MGAT4C: variants seen among roughly 807,000 people sequenced by gnomAD.
MGAT4C encodes MGAT4 family member C.
In MGAT4C, 19 loss-of-function variants were observed where a neutral mutation model predicts 40.1. The ratio of observed to expected loss-of-function variants is 0.47; its 90% CI spans 0.33 to 0.70. The LOEUF (loss-of-function observed/expected upper bound fraction) is 0.70. Among genes scored for constraint, MGAT4C ranks in the 30% least tolerant of loss-of-function variants. The pLI, the probability that MGAT4C is intolerant of heterozygous loss-of-function variation, is 0.02. For missense variants in MGAT4C, 491 were observed against 563.2 expected (o/e 0.87, Z 1.30); for synonymous variants, 181 against 187.1 (o/e 0.97, Z 0.27).
intron 2 of MGAT4C, among the ~76,000 whole-genome samples, chr12:86,464,364 T>G (rs1287109134): frequency 6.6e-6 from 1 of 152,154 alleles, no homozygotes; most frequent in Non-Finnish European, 1.5e-5. Context: ...GCAGTGGGAA[T>G]AGAGAAAATT....
chr12:86,408,448 A>ACTCTCTCT (rs1174416641), intron 3 of MGAT4C, among the ~76,000 whole-genome samples: 456 of 29,172 alleles, frequency 0.016, 17 homozygotes, highest in South Asian at 0.018. Flanking sequence ...TACATAGTAA[A>ACTCTCTCT]CTCTCTCTCT....
intron 3 of MGAT4C, among the ~76,000 whole-genome samples, chr12:86,343,548 A>C (rs1004503075): frequency 6.6e-6 from 1 of 152,214 alleles, no homozygotes; most frequent in Admixed American, 6.5e-5. Flanking sequence ...AAAATTCTAA[A>C]CAAGGGAAGC....
intron 1 of MGAT4C, among the ~76,000 whole-genome samples, chr12:86,786,564 C>G (rs1231703878): frequency 3.9e-5 from 6 of 151,936 alleles, no homozygotes; most frequent in Non-Finnish European, 7.4e-5. Flanking sequence ...GCTTTTAACT[C>G]CAAACTTCTG....
intron 2 of MGAT4C, among the ~76,000 whole-genome samples, chr12:86,004,147 A>T (rs1201885007): frequency 1.3e-5 from 2 of 152,214 alleles, no homozygotes; most frequent in African/African-American, 2.4e-5. Flanking sequence ...GTAAAGAGAA[A>T]TACTAAAAAT....
chr12:86,653,934 C>T (rs1963769583), intron 2 of MGAT4C, among the ~76,000 whole-genome samples: 1 of 151,692 alleles, frequency 6.6e-6, no homozygotes, highest in African/African-American at 2.4e-5. Flanking sequence ...AGAAATATTG[C>T]AAGTGCTAAT....
At chr12:86,086,911 G>A (rs1871954988) in intron 1 of MGAT4C, among the ~76,000 whole-genome samples, 1 of 151,996 alleles carries the variant, frequency 6.6e-6, no homozygotes, top group African/African-American at 2.4e-5. Flanking sequence ...ATATGAGTGA[G>A]AACATGAGAT....
chr12:86,422,522 G>A (rs1295991464), intron 3 of MGAT4C, among the ~76,000 whole-genome samples: 2 of 152,088 alleles, frequency 1.3e-5, no homozygotes, highest in Admixed American at 1.3e-4. Flanking sequence ...CAAAATCTCT[G>A]GTTGTAAGAA....
rs1593042701 is a variant in MGAT4C, at chr12:86,137,724, T to C, written c.-56-88001A>G. ...TCCGATTACTTTTATCATATCTGCATACCTATACTCCCCTCCTATGAAACT... is the reference window on the plus strand; with the variant it reads ...TCCGATTACTTTTATCATATCTGCACACCTATACTCCCCTCCTATGAAACT... On this transcript the variant is annotated intron_variant, in intron 1 of 4. Coordinates refer to ENST00000611864, the MANE Select transcript of MGAT4C (RefSeq NM_001351288.2). Among the ~76,000 whole-genome samples the C allele has an allele frequency of 3.3e-5, 5 of 152,316 alleles. No homozygotes were observed. In the South Asian group the frequency reaches 1.0e-3, roughly 32 times the overall value.
At chr12:86,651,380 A>C (rs544044010) in intron 2 of MGAT4C, among the ~76,000 whole-genome samples, 1 of 152,002 alleles carries the variant, frequency 6.6e-6, no homozygotes. Flanking sequence ...AAGTGATATA[A>C]ATTTTAAAAT....
chr12:85,980,042 T>C lies in MGAT4C; in HGVS notation c.684A>G (p.Arg228=). The change falls in exon 5 of 5, where the codon CGA becomes CGG. Residue 228 remains arginine, a synonymous_variant. Coordinates refer to ENST00000611864, the MANE Select transcript of MGAT4C (RefSeq NM_001351288.2). The part of the protein sequence containing the change: ...DYYVMLEDDV[R]CSKNFLTAIK... ...TGGCAGTTAAGAAATTTTTTGAACA[T>C]CGAACATCATCTTCAAGCATTACAT... The C allele has an allele frequency of 6.2e-7, 1 of 1,613,696 alleles. No homozygotes were observed.
intron 2 of MGAT4C, among the ~76,000 whole-genome samples, chr12:86,705,298 G>A (rs1332461086): frequency 1.3e-5 from 2 of 151,678 alleles, no homozygotes; most frequent in Admixed American, 1.3e-4. Context: ...TCCCTCAAAT[G>A]CTTAAATGAA....
chr12:86,151,881 C>T (rs763329731), intron 1 of MGAT4C, among the ~76,000 whole-genome samples: 1 of 152,216 alleles, frequency 6.6e-6, no homozygotes, highest in Non-Finnish European at 1.5e-5. Flanking sequence ...TATTCTATAA[C>T]CTTGTTTTCT....
Position 86,094,686 on chromosome 12 carries a change from T to C in MGAT4C, c.-56-44963A>G, listed in dbSNP as rs71452134. ...TAAAACTAGTTTTTGTAAGTATCTGTCTTCTTTTCTTTCTTTTATTTCTCC... is the reference window on the plus strand; with the variant it reads ...TAAAACTAGTTTTTGTAAGTATCTGCCTTCTTTTCTTTCTTTTATTTCTCC... On this transcript the variant is annotated intron_variant, in intron 1 of 4. Coordinates refer to ENST00000611864, the MANE Select transcript of MGAT4C (RefSeq NM_001351288.2). 2.2e-4 allele frequency among the ~76,000 whole-genome samples: 34 copies of C among 152,240 alleles called. No individual in the cohort carries two copies. The South Asian group carries it at 7.0e-3, about 32-fold the overall frequency.
intron 1 of MGAT4C, among the ~76,000 whole-genome samples, chr12:86,066,036 A>G (rs1894507665): frequency 6.6e-6 from 1 of 152,162 alleles, no homozygotes; most frequent in Non-Finnish European, 1.5e-5. Context: ...AGAACTACAA[A>G]CCACTGCTCA....
chr12:86,404,336 G>A (rs577312073), intron 3 of MGAT4C, among the ~76,000 whole-genome samples: 12 of 152,266 alleles, frequency 7.9e-5, no homozygotes, highest in South Asian at 2.1e-4. Flanking sequence ...TATCCTAGTC[G>A]TAGACCTGGT....
chr12:86,794,804 T>C (rs1952083228), intron 1 of MGAT4C, among the ~76,000 whole-genome samples: 1 of 151,850 alleles, frequency 6.6e-6, no homozygotes, highest in Admixed American at 6.6e-5. Context: ...CAATAAAATA[T>C]GACTTATTGA....
intron 2 of MGAT4C, among the ~76,000 whole-genome samples, chr12:86,679,397 A>G (rs1016796529): frequency 6.6e-6 from 1 of 152,040 alleles, no homozygotes; most frequent in East Asian, 1.9e-4. Flanking sequence ...TCAAAATCCT[A>G]TAGTGGTTTT....
chr12:86,781,912 A>T (rs1434317402), intron 1 of MGAT4C, among the ~76,000 whole-genome samples: 1 of 125,534 alleles, frequency 8.0e-6, no homozygotes, highest in Non-Finnish European at 1.8e-5. Context: ...AATTAAAAAC[A>T]GAATTGTTTT....
At chr12:86,795,120 C>T (rs912092229) in intron 1 of MGAT4C, among the ~76,000 whole-genome samples, 4 of 151,622 alleles carry the variant, frequency 2.6e-5, no homozygotes, top group Non-Finnish European at 5.9e-5. Context: ...ATACATAAAC[C>T]ATTTAATTTT....
Sources: gnomAD v4.1 joint callset for allele counts (sites outside exome capture counted in the v4.1 genomes callset) on GRCh38, gnomAD v4.1.1 for gene constraint, MANE v1.5 for transcripts, NCBI Gene and HGNC (gene_info 2026-07-23, HGNC 2026-07-21) for gene names.